The following SPOCK1 variants were observed in gnomAD, a reference collection of about 807,000 sequenced individuals.
The protein encoded by SPOCK1 is testican-1.
A neutral mutation model predicts 55.3 loss-of-function variants in SPOCK1; 23 were observed. That is an observed-to-expected ratio of 0.42 (90% CI 0.30 to 0.59). The LOEUF (loss-of-function observed/expected upper bound fraction) is 0.59. SPOCK1 is among the 20% of genes least tolerant of loss of function. The pLI is 0.22. For synonymous variants in SPOCK1, 226 were observed against 221.0 expected (o/e 1.02, Z -0.20); for missense variants, 499 against 552.5 (o/e 0.90, Z 0.97).
rs1230998369 is a variant in SPOCK1, at chr5:137,160,530, A to ATTAT, written c.233-19837_233-19836insATAA. Among the ~76,000 whole-genome samples the ATTAT allele has an allele frequency of 2.3e-3, 137 of 60,542 alleles. 3 individuals are homozygous for ATTAT. The highest frequency in any genetic ancestry group is 8.1e-3 in the African/African-American group (127 of 15,760). 39.7% of individuals were successfully genotyped at this position (60,542 alleles called of 152,430 possible). On this transcript the variant is annotated intron_variant, in intron 3 of 10. Coordinates refer to ENST00000394945, the MANE Select transcript of SPOCK1 (RefSeq NM_004598.4). ...ATATACACATATATATATAATATATAAAAATATATAATATATATAATATAT... is the reference window on the plus strand; with the variant it reads ...ATATACACATATATATATAATATATATTATAAAATATATAATATATATAATATAT...
intron 5 of SPOCK1, among the ~76,000 whole-genome samples, chr5:137,085,263 G>A (rs17600115): frequency 0.13 from 19,738 of 152,148 alleles, 1,633 homozygotes; most frequent in Admixed American, 0.19. Flanking sequence ...TGAAGCAGGC[G>A]TGAGGGTAGC....
chr5:137,084,335 A>G (rs1310467982), intron 5 of SPOCK1, among the ~76,000 whole-genome samples: 3 of 152,068 alleles, frequency 2.0e-5, no homozygotes, highest in Admixed American at 1.3e-4. Flanking sequence ...CAGAAGCTGC[A>G]GAGTGGTGTG....
intron 7 of SPOCK1, among the ~76,000 whole-genome samples, chr5:136,990,769 A>C (rs1455187494): frequency 6.6e-6 from 1 of 152,212 alleles, no homozygotes; most frequent in East Asian, 1.9e-4. Flanking sequence ...ATAAGGCAAG[A>C]GGAGTTTACT....
chr5:137,432,238 G>C lies in SPOCK1; in HGVS notation c.186+66135C>G, dbSNP rs187367456. Reference sequence around the variant, plus strand: ...AAACATAGAATTACCATATAACTCAGCAATTCCACTTCTGGATATACACCC... The same window carrying C: ...AAACATAGAATTACCATATAACTCACCAATTCCACTTCTGGATATACACCC... On this transcript the variant is annotated intron_variant, in intron 2 of 10. Transcript: ENST00000394945. Among the ~76,000 whole-genome samples the C allele has an allele frequency of 1.1e-3, 166 of 152,280 alleles. 2 individuals carry two copies. Among genetic ancestry groups the C allele is most frequent in the Non-Finnish European group, 8.8e-5 (6 of 68,020 alleles).
chr5:137,291,292 C>T (rs562670205), intron 2 of SPOCK1, among the ~76,000 whole-genome samples: 1 of 152,256 alleles, frequency 6.6e-6, no homozygotes, highest in South Asian at 2.1e-4. Flanking sequence ...GCTCTCTGTC[C>T]CAAATTTGAT....
At chr5:137,039,356 C>T (rs1000178848) in intron 6 of SPOCK1, among the ~76,000 whole-genome samples, 2 of 134,700 alleles carry the variant, frequency 1.5e-5, no homozygotes, top group Non-Finnish European at 3.1e-5. Context: ...CAGAGGTGAA[C>T]TTGAGACGTG....
At chr5:137,210,350 G>T (rs893591183) in intron 3 of SPOCK1, among the ~76,000 whole-genome samples, 1 of 152,132 alleles carries the variant, frequency 6.6e-6, no homozygotes, top group East Asian at 1.9e-4. Context: ...ATATTTTCCA[G>T]GCTAGAACTG....
chr5:137,140,808 G>A (rs1754081834), intron 3 of SPOCK1, 114 bp from the exon 4 acceptor site: 1 of 621,200 alleles, frequency 1.6e-6, no homozygotes, highest in South Asian at 3.0e-5. Context: ...GCCCAGACTG[G>A]TGTGCGGTGG....
chr5:137,469,611 A>G (rs1014990082), intron 2 of SPOCK1, among the ~76,000 whole-genome samples: 2 of 152,248 alleles, frequency 1.3e-5, no homozygotes, highest in African/African-American at 4.8e-5. Context: ...TGTACTGCAC[A>G]TATCTAAAGG....
At chr5:137,166,312 C>G (rs1754647084) in intron 3 of SPOCK1, among the ~76,000 whole-genome samples, 1 of 151,976 alleles carries the variant, frequency 6.6e-6, no homozygotes, top group African/African-American at 2.4e-5. Flanking sequence ...AAAAGTGTAT[C>G]TGGTGAAACT....
At chr5:137,322,372 T>C (rs1017670872) in intron 2 of SPOCK1, among the ~76,000 whole-genome samples, 2 of 148,924 alleles carry the variant, frequency 1.3e-5, no homozygotes, top group African/African-American at 2.5e-5. Context: ...CAAAACTCAC[T>C]GGTAAAGGTA....
intron 2 of SPOCK1, among the ~76,000 whole-genome samples, chr5:137,372,469 C>A (rs1460660057): frequency 3.9e-5 from 6 of 152,296 alleles, no homozygotes; most frequent in African/African-American, 7.2e-5. Flanking sequence ...AATATCTTGA[C>A]AAGGCACCAT....
At chr5:137,344,141 G>C (rs1750501086) in intron 2 of SPOCK1, among the ~76,000 whole-genome samples, 1 of 152,236 alleles carries the variant, frequency 6.6e-6, no homozygotes, top group South Asian at 2.1e-4. Flanking sequence ...GAGAAAAGAA[G>C]TTACACTTCT....
intron 5 of SPOCK1, among the ~76,000 whole-genome samples, chr5:137,072,691 C>T (rs2127008790): frequency 6.6e-6 from 1 of 152,342 alleles, no homozygotes; most frequent in Non-Finnish European, 1.5e-5. Context: ...CAACCGAGTA[C>T]ATTTCTCTAC....
At chr5:137,325,427 G>C (rs1277875883) in intron 2 of SPOCK1, among the ~76,000 whole-genome samples, 1 of 152,156 alleles carries the variant, frequency 6.6e-6, no homozygotes, top group African/African-American at 2.4e-5. Context: ...CTCATCAAGA[G>C]AGCCAGATCT....
intron 2 of SPOCK1, among the ~76,000 whole-genome samples, chr5:137,454,720 A>C (rs1414722719): frequency 1.3e-5 from 2 of 152,220 alleles, no homozygotes; most frequent in African/African-American, 4.8e-5. Flanking sequence ...GTTTTCCCTT[A>C]ATTTTGTTTT....
chr5:137,260,511 T>A (rs557591825), intron 3 of SPOCK1, among the ~76,000 whole-genome samples: 8 of 152,162 alleles, frequency 5.3e-5, no homozygotes, highest in African/African-American at 1.7e-4. Flanking sequence ...CATAAAAACA[T>A]AAGGACATGA....
At chr5:137,253,006 G>T (rs984435898) in intron 3 of SPOCK1, among the ~76,000 whole-genome samples, 2 of 152,078 alleles carry the variant, frequency 1.3e-5, no homozygotes, top group African/African-American at 4.8e-5. Flanking sequence ...TTATTCACCC[G>T]CTACTTGCCT....
intron 2 of SPOCK1, among the ~76,000 whole-genome samples, chr5:137,352,092 C>G (rs1750692891): frequency 6.6e-6 from 1 of 152,210 alleles, no homozygotes; most frequent in Admixed American, 6.5e-5. Flanking sequence ...GAGCAAGTGT[C>G]TTAACTTCTC....
Sources: allele counts gnomAD v4.1 joint callset (sites outside exome capture counted in the v4.1 genomes callset), GRCh38; gene constraint gnomAD v4.1.1; transcripts MANE v1.5; gene names NCBI Gene and HGNC (gene_info 2026-07-23, HGNC 2026-07-21).